ARHGAP15: variants seen among roughly 807,000 people sequenced by gnomAD.
The protein encoded by ARHGAP15 is rho GTPase-activating protein 15.
A neutral mutation model predicts 63.7 loss-of-function variants in ARHGAP15; 51 were observed. The ratio of observed to expected loss-of-function variants is 0.80; its 90% CI spans 0.64 to 1.01. The LOEUF is 1.01. Among genes scored for constraint, ARHGAP15 ranks in the 50% least tolerant of loss-of-function variants. The probability of loss-of-function intolerance (pLI) is 0.00; values close to 1 mark genes in which losing one functional copy is unlikely to be tolerated. For synonymous variants in ARHGAP15, 191 were observed against 193.8 expected (o/e 0.99, Z 0.12); for missense variants, 560 against 564.6 (o/e 0.99, Z 0.08).
chr2:143,469,543 G>A (rs981719487), intron 8 of ARHGAP15, among the ~76,000 whole-genome samples: 2 of 151,970 alleles, frequency 1.3e-5, no homozygotes, highest in Admixed American at 6.6e-5. Context: ...ACGCAAGTTC[G>A]GACATGACAC....
chr2:143,589,279 T>G (rs1430500650), intron 11 of ARHGAP15, among the ~76,000 whole-genome samples: 1 of 152,240 alleles, frequency 6.6e-6, no homozygotes, highest in African/African-American at 2.4e-5. Flanking sequence ...CTTCTCCATG[T>G]ACTCTACTGC....
chr2:143,465,398 A>G (rs1691149838), intron 8 of ARHGAP15, among the ~76,000 whole-genome samples: 1 of 152,160 alleles, frequency 6.6e-6, no homozygotes. Context: ...GGCTATTAAG[A>G]ATTGGACCGT....
chr2:143,182,839 G>T (rs901953706), intron 2 of ARHGAP15, among the ~76,000 whole-genome samples: 2 of 152,070 alleles, frequency 1.3e-5, no homozygotes, highest in African/African-American at 4.8e-5. Flanking sequence ...TAAGTAGCAG[G>T]GATACTAACA....
intron 10 of ARHGAP15, among the ~76,000 whole-genome samples, chr2:143,543,655 A>G (rs1270998529): frequency 6.6e-6 from 1 of 151,890 alleles, no homozygotes; most frequent in Admixed American, 6.6e-5. Flanking sequence ...AAATATATAT[A>G]TATAAATATG....
At chr2:143,413,166 A>C (rs1434268725) in intron 6 of ARHGAP15, among the ~76,000 whole-genome samples, 1 of 152,230 alleles carries the variant, frequency 6.6e-6, no homozygotes, top group Admixed American at 6.5e-5. Flanking sequence ...GTACAGAGAT[A>C]ATTTAAGAAT....
chr2:143,694,371 G>C (rs1369066508), intron 12 of ARHGAP15, among the ~76,000 whole-genome samples: 1 of 152,168 alleles, frequency 6.6e-6, no homozygotes, highest in African/African-American at 2.4e-5. Context: ...CCAGATAAAA[G>C]ACCTTTGCTA....
At chr2:143,712,215 A>G (rs1684613262) in intron 13 of ARHGAP15, among the ~76,000 whole-genome samples, 2 of 152,212 alleles carry the variant, frequency 1.3e-5, no homozygotes, top group African/African-American at 4.8e-5. Flanking sequence ...CACCAAGTAC[A>G]TGCGAGAGGT....
intron 13 of ARHGAP15, among the ~76,000 whole-genome samples, chr2:143,712,202 G>T (rs1027277605): frequency 5.3e-5 from 8 of 152,156 alleles, no homozygotes; most frequent in African/African-American, 1.9e-4. Flanking sequence ...AACAGAACAT[G>T]TGCACCAAGT....
intron 12 of ARHGAP15, among the ~76,000 whole-genome samples, chr2:143,661,837 C>A (rs1418763088): frequency 1.3e-5 from 2 of 152,220 alleles, no homozygotes; most frequent in Non-Finnish European, 2.9e-5. Flanking sequence ...GGGTCACTCC[C>A]ACCCGAATAT....
At chr2:143,507,947 C>T (rs1258233944) in intron 9 of ARHGAP15, among the ~76,000 whole-genome samples, 3 of 151,604 alleles carry the variant, frequency 2.0e-5, no homozygotes, top group Non-Finnish European at 4.4e-5. Context: ...ATGAGCCTTC[C>T]TACTTCTCCT....
At chr2:143,266,514 C>G (rs989631392) in intron 6 of ARHGAP15, among the ~76,000 whole-genome samples, 10 of 152,114 alleles carry the variant, frequency 6.6e-5, no homozygotes, top group Non-Finnish European at 1.3e-4. Flanking sequence ...ATTGCTTTTA[C>G]AAAAGATACA....
At chr2:143,236,528 T>C (rs180706283) in intron 5 of ARHGAP15, 13 of 152,244 alleles carry the variant, frequency 8.5e-5, no homozygotes, top group African/African-American at 3.1e-4. Context: ...AGATTGAGTA[T>C]AGTGAAGAAA....
chr2:143,303,474 G>T (rs1182864026), intron 6 of ARHGAP15, among the ~76,000 whole-genome samples: 1 of 151,722 alleles, frequency 6.6e-6, no homozygotes, highest in Non-Finnish European at 1.5e-5. Flanking sequence ...ATTCAAGATG[G>T]ATTAAAGACT....
At chr2:143,183,697 T>C (rs1189155745) in intron 2 of ARHGAP15, among the ~76,000 whole-genome samples, 1 of 150,540 alleles carries the variant, frequency 6.6e-6, no homozygotes, top group Non-Finnish European at 1.5e-5. Flanking sequence ...AGAGATTTCT[T>C]TGTTTTGGAT....
intron 5 of ARHGAP15, among the ~76,000 whole-genome samples, chr2:143,229,957 A>G (rs2105174653): frequency 6.6e-6 from 1 of 152,244 alleles, no homozygotes; most frequent in East Asian, 1.9e-4. Context: ...AGTCCTTTGT[A>G]TTTTTAATTT....
chr2:143,619,720 G>A (rs767475046), intron 11 of ARHGAP15, among the ~76,000 whole-genome samples: 3 of 152,138 alleles, frequency 2.0e-5, no homozygotes, highest in Admixed American at 6.6e-5. Flanking sequence ...TGCTGTCCTC[G>A]TGATAGTAAG....
chr2:143,265,930 AAT>A (rs960915451), intron 6 of ARHGAP15, among the ~76,000 whole-genome samples: 1 of 152,272 alleles, frequency 6.6e-6, no homozygotes, highest in East Asian at 1.9e-4. Flanking sequence ...GTTTCAATAA[AAT>A]ATATTATTTC....
rs200388440 is a variant in ARHGAP15 at position 143,362,142 on chromosome 2, A to AC, written c.475-73454dup. Among the ~76,000 whole-genome samples the AC allele has an allele frequency of 4.0e-5, 6 of 151,896 alleles. No homozygotes were observed. In the East Asian group the frequency reaches 1.2e-3, roughly 29 times the overall value. ...AGGCCATTCCTAATCGCTTTCCCCA[A>AC]CCCCCAAGTCTGGTTGGATGTATCC... On this transcript the variant is annotated intron_variant, in intron 6 of 13. Coordinates refer to ENST00000295095, the MANE Select transcript of ARHGAP15 (RefSeq NM_018460.4).
chr2:143,206,869 G>C (rs529465369), intron 3 of ARHGAP15, among the ~76,000 whole-genome samples: 1 of 151,900 alleles, frequency 6.6e-6, no homozygotes, highest in East Asian at 1.9e-4. Context: ...TGAAGTAGTC[G>C]ATGAAACATG....
Sources: gnomAD v4.1 joint callset for allele counts (sites outside exome capture counted in the v4.1 genomes callset) on GRCh38, gnomAD v4.1.1 for gene constraint, MANE v1.5 for transcripts, NCBI Gene and HGNC (gene_info 2026-07-23, HGNC 2026-07-21) for gene names.